The following COPS9 variants were observed in gnomAD, a reference collection of about 807,000 sequenced individuals.
The protein encoded by COPS9 is COP9 signalosome complex subunit 9.
A neutral mutation model predicts 7.2 loss-of-function variants in COPS9; 8 were observed. That is an observed-to-expected ratio of 1.11 (90% CI 0.65 to 2.00). COPS9 has a LOEUF of 2.00. Among genes scored for constraint, COPS9 ranks in the 30% most tolerant of loss-of-function variants. The pLI, the probability that COPS9 is intolerant of heterozygous loss-of-function variation, is 0.00. For missense variants in COPS9, 74 were observed against 77.7 expected, an observed-to-expected ratio of 0.95 and a Z score of 0.18; for synonymous variants, 39 against 28.7, an observed-to-expected ratio of 1.36 and a Z score of -1.14.
rs1160698234 is a variant in COPS9, at chr2:240,132,694, A to G, written c.136+1239T>C. Reference sequence around the variant, plus strand: ...GAGGATAAATGGGACTTTGAAGGAGATCATCAAAATGCAAGCGTGTGGTGC... The same window carrying G: ...GAGGATAAATGGGACTTTGAAGGAGGTCATCAAAATGCAAGCGTGTGGTGC... On this transcript the variant is annotated intron_variant, in intron 2 of 2. Transcript: ENST00000607357. This position sits in a 1 kb window ranked among gnomAD's most constrained non-coding sequence, Gnocchi z 4.1. 2.0e-5 allele frequency among the ~76,000 whole-genome samples: 3 copies of G among 152,142 alleles called. No homozygotes were observed. The highest frequency in any genetic ancestry group is 2.9e-5 in the Non-Finnish European group (2 of 68,022).
intron 1 of COPS9, chr2:240,135,734 G>C (rs2071970635): frequency 6.4e-6 from 1 of 156,436 alleles, no homozygotes; most frequent in African/African-American, 2.4e-5. Flanking sequence ...GGCTGCTCCA[G>C]TCTTCCCTCA....
intron 2 of COPS9, among the ~76,000 whole-genome samples, chr2:240,131,919 C>G (rs1204873054): frequency 2.0e-5 from 3 of 152,208 alleles, no homozygotes; most frequent in African/African-American, 7.2e-5. Context: ...AGCATCCAGC[C>G]TTCCTGGGGA....
chr2:240,135,994 T>G (rs551100887), intron 1 of COPS9: 2 of 651,126 alleles, frequency 3.1e-6, no homozygotes, highest in Non-Finnish European at 4.7e-6. Flanking sequence ...CTGCGCCTCC[T>G]GGTCCCCCGG....
chr2:240,126,931 G>T (rs1272024193), downstream of COPS9: 2 of 1,612,358 alleles, frequency 1.2e-6, no homozygotes, highest in Non-Finnish European at 1.7e-6. Flanking sequence ...CTCCCGTTCA[G>T]TTCACATCTC....
At chr2:240,135,224 A>C (rs1311989954) in intron 1 of COPS9, among the ~76,000 whole-genome samples, 1 of 152,028 alleles carries the variant, frequency 6.6e-6, no homozygotes, top group Non-Finnish European at 1.5e-5. Flanking sequence ...CCCCCAACCC[A>C]GGGCTCTGCT....
chr2:240,136,203 C>T lies in COPS9; in HGVS notation c.63+19G>A. The T allele has an allele frequency of 6.6e-7, 1 of 1,519,900 alleles. No individual in the cohort carries two copies. The highest frequency in any genetic ancestry group is 1.4e-5 in the African/African-American group (1 of 69,210). 94.2% of individuals were successfully genotyped at this position (1,519,900 alleles called of 1,614,324 possible). ...TCCCCGCTCCCCACGCTCGGAGACT[C>T]CCGCCGGGCCCGTGCCACCTCGTCC... is the stretch of plus-strand genomic sequence containing the variant. On this transcript the variant is annotated intron_variant, in intron 1 of 2. Transcript: ENST00000607357.
chr2:240,131,793 A>G (rs990133520), intron 2 of COPS9, among the ~76,000 whole-genome samples: 1 of 152,194 alleles, frequency 6.6e-6, no homozygotes, highest in Non-Finnish European at 1.5e-5. Flanking sequence ...AATACAACTA[A>G]AAGCCCACCC....
chr2:240,131,420 C>T lies in COPS9; in HGVS notation c.137-332G>A, dbSNP rs538986103. 5.3e-5 allele frequency among the ~76,000 whole-genome samples: 8 copies of T among 152,340 alleles called. No homozygotes were observed. The East Asian group carries it at 5.8e-4, about 11-fold the overall frequency. On this transcript the variant is annotated intron_variant, in intron 2 of 2. Coordinates refer to ENST00000607357, the MANE Select transcript of COPS9 (RefSeq NM_001163424.2). ...CACGCCAGTGCCGTGTCTGCACCCA[C>T]GAGTGCACGGGCACCCAAGATGCTG...
At chr2:240,130,236 G>T (rs6704704), downstream of COPS9, among the ~76,000 whole-genome samples, 2,959 of 152,310 alleles carry the variant, frequency 0.019, 98 homozygotes, top group African/African-American at 0.068. Context: ...TCCACTGAGG[G>T]GCTTTAACTC....
intron 2 of COPS9, 36 bp downstream of exon 2, chr2:240,133,897 A>C (rs1336232714): frequency 1.2e-6 from 2 of 1,602,090 alleles, no homozygotes; most frequent in Non-Finnish European, 1.7e-6. Context: ...AGAAATATTC[A>C]GATTAAATCT....
At chr2:240,128,261 T>C (rs1260030356), downstream of COPS9, among the ~76,000 whole-genome samples, 1 of 152,130 alleles carries the variant, frequency 6.6e-6, no homozygotes, top group African/African-American at 2.4e-5. Context: ...AAGAAACTGT[T>C]GTGGAGAAAG....
downstream of COPS9, chr2:240,130,087 C>A: frequency 7.3e-7 from 1 of 1,376,008 alleles, no homozygotes. Flanking sequence ...ATCCACTCAC[C>A]ACTCATGAGA....
chr2:240,126,844 A>T (rs775838489), downstream of COPS9: 1 of 1,614,202 alleles, frequency 6.2e-7, no homozygotes, highest in East Asian at 2.2e-5. Context: ...TGTTCTCTGC[A>T]TCTGGTAAAC....
rs889984889 is a variant in COPS9 at position 240,130,963 on chromosome 2, T to C, written c.*88A>G. 1.8e-5 allele frequency: 28 copies of C among 1,544,300 alleles called. No individual in the cohort carries two copies. The highest frequency in any genetic ancestry group is 2.4e-5 in the Non-Finnish European group (28 of 1,146,762). ...CTAAATTCAAGGGATTTCCACGTGTTCTTTAAAACCACCTGAAACTGTCCT... is the reference window on the plus strand; with the variant it reads ...CTAAATTCAAGGGATTTCCACGTGTCCTTTAAAACCACCTGAAACTGTCCT... On this transcript the variant is annotated 3_prime_UTR_variant, in exon 3 of 3. Transcript: ENST00000607357.
rs1432424466 is a variant in COPS9, at chr2:240,130,956, C to T, written c.*95G>A. 1 of 1,531,506 alleles carries T rather than the reference C, an allele frequency of 6.5e-7. No homozygotes were observed. The highest frequency in any genetic ancestry group is 1.4e-5 in the African/African-American group (1 of 72,646). The allele number at this position is 1,531,506 out of a possible 1,614,324, so 94.9% of individuals were successfully genotyped here. A position where few individuals can be genotyped will look rare whatever the true frequency, so the allele number is the denominator to read the frequency against. On this transcript the variant is annotated 3_prime_UTR_variant, in exon 3 of 3. Coordinates refer to ENST00000607357, the MANE Select transcript of COPS9 (RefSeq NM_001163424.2). ...CCAGGTCCTAAATTCAAGGGATTTCCACGTGTTCTTTAAAACCACCTGAAA... is the reference window on the plus strand; with the variant it reads ...CCAGGTCCTAAATTCAAGGGATTTCTACGTGTTCTTTAAAACCACCTGAAA...
downstream of COPS9, chr2:240,126,939 C>T: frequency 6.2e-7 from 1 of 1,609,930 alleles, no homozygotes; most frequent in Non-Finnish European, 8.5e-7. Flanking sequence ...CAGTTCACAT[C>T]TCTGGGGAGA....
downstream of COPS9, among the ~76,000 whole-genome samples, chr2:240,128,505 C>T (rs2071889225): frequency 6.6e-6 from 1 of 152,196 alleles, no homozygotes; most frequent in Non-Finnish European, 1.5e-5. Flanking sequence ...CAGGCATTCC[C>T]CGCAGAGCTG....
intron 1 of COPS9, chr2:240,135,939 T>C: frequency 2.1e-6 from 1 of 478,048 alleles, no homozygotes; most frequent in Non-Finnish European, 3.6e-6. Flanking sequence ...CACGGGTGTG[T>C]TCCCGGGGGC....
upstream of COPS9, chr2:240,136,311 C>G: frequency 6.5e-7 from 1 of 1,544,170 alleles, no homozygotes. Context: ...TCTAGGCTCA[C>G]TTCCGGCCTC....
Sources: allele counts gnomAD v4.1 joint callset (sites outside exome capture counted in the v4.1 genomes callset), GRCh38; gene constraint gnomAD v4.1.1; non-coding constraint Gnocchi (gnomAD v3.1); transcripts MANE v1.5; gene names NCBI Gene and HGNC (gene_info 2026-07-23, HGNC 2026-07-21).